Variants in ADAMTS16 observed in about 807,000 individuals in gnomAD.
ADAMTS16 encodes the protein ADAM metallopeptidase with thrombospondin type 1 motif 16.
A neutral mutation model predicts 145.8 loss-of-function variants in ADAMTS16; 94 were observed. The observed-to-expected ratio is 0.64, with a 90% CI of 0.55 to 0.77. The LOEUF is 0.77. Among genes scored for constraint, ADAMTS16 ranks in the 30% least tolerant of loss-of-function variants. The pLI is 0.00. For missense variants in ADAMTS16, 1,585 were observed against 1,591.5 expected, an observed-to-expected ratio of 1.00 and a Z score of 0.07; for synonymous variants, 659 against 604.3, an observed-to-expected ratio of 1.09 and a Z score of -1.33.
chr5:5,245,561 A>G lies in ADAMTS16; in HGVS notation c.2662+3370A>G, dbSNP rs543449224. ...TGATGTTCTGAATTTGAAACGTTTA[A>G]ATCATCTTTTTCTTAGCTCTCTCTT... is the stretch of plus-strand genomic sequence containing the variant. On this transcript the variant is annotated intron_variant, in intron 17 of 22. Coordinates refer to ENST00000274181, the MANE Select transcript of ADAMTS16 (RefSeq NM_139056.4). Among the ~76,000 whole-genome samples the G allele has an allele frequency of 9.9e-5, 15 of 152,252 alleles. 1 individual carries two copies. Among genetic ancestry groups the G allele is most frequent in the African/African-American group, 3.6e-4 (15 of 41,540 alleles).
chr5:5,159,437 A>C (rs1031261191), intron 3 of ADAMTS16, among the ~76,000 whole-genome samples: 2 of 152,164 alleles, frequency 1.3e-5, no homozygotes, highest in Non-Finnish European at 2.9e-5. Flanking sequence ...CAACATATGA[A>C]AGCCCTTAAT....
chr5:5,270,313 G>A lies in ADAMTS16; in HGVS notation c.2789+7530G>A, dbSNP rs549947716. ...GAGTGGTCTGGTTGCCATGGGTTAT[G>A]TCCATGGGCCAGAGTCAGACAAAGG... On this transcript the variant is annotated intron_variant, in intron 18 of 22. Transcript: ENST00000274181. Among the ~76,000 whole-genome samples the A allele has an allele frequency of 1.2e-3, 186 of 152,298 alleles. 2 individuals are homozygous for A. The highest frequency in any genetic ancestry group is 3.9e-3 in the African/African-American group (164 of 41,562).
intron 18 of ADAMTS16, among the ~76,000 whole-genome samples, chr5:5,281,890 G>A (rs1738929546): frequency 6.6e-6 from 1 of 152,200 alleles, no homozygotes; most frequent in Non-Finnish European, 1.5e-5. Flanking sequence ...ACACATATCT[G>A]TGTGTGATAA....
chr5:5,186,580 A>C (rs1171474529), intron 5 of ADAMTS16, among the ~76,000 whole-genome samples: 2 of 152,200 alleles, frequency 1.3e-5, no homozygotes, highest in African/African-American at 4.8e-5. Context: ...GTAGTGCAGT[A>C]AATCTGATTA....
chr5:5,315,743 T>G (rs1179374558), intron 21 of ADAMTS16, among the ~76,000 whole-genome samples: 2 of 152,208 alleles, frequency 1.3e-5, no homozygotes, highest in African/African-American at 4.8e-5. Context: ...TTCCGAAAGA[T>G]GTAATAAGTG....
Position 5,239,889 on chromosome 5 carries a change from C to T in ADAMTS16, c.2487C>T (p.Ile829=), listed in dbSNP as rs11742370. ...CCTATAATGAGCCCGAGAACTTAAT[C>T]GCTACTGGACCAACCAACGAGACAC... ...RRSYNEPENL[I]ATGPTNETLI... The change falls in exon 16 of 23, where the codon ATC becomes ATT. Residue 829 remains isoleucine, a synonymous_variant. Transcript: ENST00000274181. The T allele has an allele frequency of 1.2e-6, 2 of 1,613,776 alleles. No individual in the cohort carries two copies. Among genetic ancestry groups the T allele is most frequent in the African/African-American group, 1.3e-5 (1 of 74,820 alleles).
rs776896008 is a variant in ADAMTS16 at position 5,209,209 on chromosome 5, G to C, written c.1568G>C (p.Gly523Ala). The C allele has an allele frequency of 1.2e-6, 2 of 1,614,012 alleles. No homozygotes were observed. Among genetic ancestry groups the C allele is most frequent in the Admixed American group, 3.3e-5 (2 of 60,026 alleles). The stretch of plus-strand genomic sequence containing the variant: ...AACACACAGTGCAAGTGGCAGTTCG[G>C]AGAGAAAGCCAAGCTCTGCATGCTG... ...DANTQCKWQFGEKAKLCMLDF... is the reference protein window; with the variant it reads ...DANTQCKWQFAEKAKLCMLDF... The change falls in exon 10 of 23, where the codon GGA becomes GCA. Residue 523 changes from glycine to alanine, a missense_variant. This residue lies in a region of ADAMTS16 where 298 missense variants were observed against 367.6 expected (regional missense o/e 0.81). Transcript: ENST00000274181.
chr5:5,250,942 CAG>C (rs1443211246), intron 17 of ADAMTS16, among the ~76,000 whole-genome samples: 1 of 152,064 alleles, frequency 6.6e-6, no homozygotes, highest in African/African-American at 2.4e-5. Context: ...TCGGGGCAGT[CAG>C]GGGAAGAAGA....
intron 3 of ADAMTS16, among the ~76,000 whole-genome samples, chr5:5,172,616 T>C (rs574052705): frequency 6.6e-6 from 1 of 152,266 alleles, no homozygotes; most frequent in South Asian, 2.1e-4. Context: ...CTTGATAGAA[T>C]TTCAGGGTTT....
chr5:5,256,795 G>T (rs186503529), intron 17 of ADAMTS16, among the ~76,000 whole-genome samples: 14 of 152,078 alleles, frequency 9.2e-5, no homozygotes, highest in Non-Finnish European at 1.6e-4. Flanking sequence ...TTCAAAACAG[G>T]AAACCAAACT....
intron 18 of ADAMTS16, among the ~76,000 whole-genome samples, chr5:5,266,511 T>C (rs907438897): frequency 2.6e-5 from 4 of 152,234 alleles, no homozygotes; most frequent in African/African-American, 9.6e-5. Flanking sequence ...GCTGCTTCAG[T>C]TCTTTCTTGG....
chr5:5,208,679 A>G (rs1359807345), intron 9 of ADAMTS16, among the ~76,000 whole-genome samples: 1 of 152,230 alleles, frequency 6.6e-6, no homozygotes, highest in Non-Finnish European at 1.5e-5. Flanking sequence ...AGAAACAAAG[A>G]AAGTTCCAGT....
At position 5,262,803 on chromosome 5, in the gene ADAMTS16, T is replaced by A; in HGVS notation, c.2789+20T>A. 7 of 1,611,772 alleles carry A rather than the reference T, an allele frequency of 4.3e-6. No individual in the cohort carries two copies. Among genetic ancestry groups the A allele is most frequent in the Non-Finnish European group, 5.1e-6 (6 of 1,179,278 alleles). On this transcript the variant is annotated intron_variant, in intron 18 of 22. Transcript: ENST00000274181. ...TCCCAGGTAAGAAGCATCGCGTTCA[T>A]CAAAGCAGGTTTCCCAGTTTGCAGA... is the stretch of plus-strand genomic sequence containing the variant.
intron 11 of ADAMTS16, 120 bp downstream of exon 11, chr5:5,223,004 C>A: frequency 2.7e-6 from 2 of 729,854 alleles, no homozygotes; most frequent in African/African-American, 1.8e-5. Context: ...ATATGCATAC[C>A]CATGCTCCTA....
At chr5:5,305,272 CCA>C (rs141813159) in intron 20 of ADAMTS16, among the ~76,000 whole-genome samples, 794 of 48,630 alleles carry the variant, frequency 0.016, 40 homozygotes, top group East Asian at 0.023. Flanking sequence ...CAATCCCACA[CCA>C]CACACACACA....
At chr5:5,227,666 A>G (rs912501010) in intron 11 of ADAMTS16, among the ~76,000 whole-genome samples, 2 of 152,138 alleles carry the variant, frequency 1.3e-5, no homozygotes, top group Non-Finnish European at 2.9e-5. Flanking sequence ...TCATTTAAGG[A>G]TACTCTAACA....
At chr5:5,189,211 C>T (rs2126573531) in intron 6 of ADAMTS16, among the ~76,000 whole-genome samples, 1 of 152,326 alleles carries the variant, frequency 6.6e-6, no homozygotes, top group African/African-American at 2.4e-5. Context: ...TCCCACCAGC[C>T]ATAGGAAACT....
intron 18 of ADAMTS16, among the ~76,000 whole-genome samples, chr5:5,298,020 C>G (rs564751196): frequency 6.6e-6 from 1 of 152,162 alleles, no homozygotes; most frequent in Non-Finnish European, 1.5e-5. Flanking sequence ...ATGGGCTGTC[C>G]GTTCCCACAT....
intron 10 of ADAMTS16, among the ~76,000 whole-genome samples, chr5:5,213,836 G>T (rs1335103192): frequency 6.6e-6 from 1 of 152,134 alleles, no homozygotes; most frequent in Non-Finnish European, 1.5e-5. Flanking sequence ...GTGGTCCTCT[G>T]CTAGGACACC....
Sources: gnomAD v4.1 joint callset for allele counts (sites outside exome capture counted in the v4.1 genomes callset) on GRCh38, gnomAD v4.1.1 for gene constraint, gnomAD v4.1.1 regional missense constraint, MANE v1.5 for transcripts, NCBI Gene and HGNC (gene_info 2026-07-23, HGNC 2026-07-21) for gene names.